SCUBE1: variants seen among roughly 807,000 people sequenced by gnomAD.
The protein encoded by SCUBE1 is signal peptide, CUB domain and EGF like domain containing 1.
In SCUBE1, 59 loss-of-function variants were observed where a neutral mutation model predicts 124.4. The observed-to-expected ratio is 0.47, with a 90% CI of 0.38 to 0.59. The LOEUF is 0.59. SCUBE1 is among the 20% of genes least tolerant of loss of function. The pLI, the probability that SCUBE1 is intolerant of heterozygous loss-of-function variation, is 0.00. For synonymous variants in SCUBE1, 545 were observed against 550.9 expected (o/e 0.99, Z 0.15); for missense variants, 1,150 against 1,371.2 (o/e 0.84, Z 2.55).
intron 16 of SCUBE1, 131 bp downstream of exon 16, chr22:43,213,959 G>A: frequency 1.0e-6 from 1 of 979,890 alleles, no homozygotes; most frequent in South Asian, 1.7e-5. Context: ...GAAACGACAA[G>A]GAACTTTAGA....
chr22:43,260,217 T>C (rs1462708712), intron 5 of SCUBE1, among the ~76,000 whole-genome samples: 2 of 152,194 alleles, frequency 1.3e-5, no homozygotes, highest in Non-Finnish European at 2.9e-5. Context: ...GATGGAGGCC[T>C]GCCTGAGGCA....
At chr22:43,303,063 C>T (rs956026393) in intron 3 of SCUBE1, among the ~76,000 whole-genome samples, 1 of 152,244 alleles carries the variant, frequency 6.6e-6, no homozygotes, top group African/African-American at 2.4e-5. Context: ...TGCCAGACTC[C>T]AGCCAAGTCA....
At chr22:43,288,433 T>G (rs559917149) in intron 4 of SCUBE1, among the ~76,000 whole-genome samples, 1 of 152,106 alleles carries the variant, frequency 6.6e-6, no homozygotes, top group African/African-American at 2.4e-5. Context: ...CCACCCAAAA[T>G]CCAAACTCTT....
intron 5 of SCUBE1, 100 bp downstream of exon 5, chr22:43,262,620 G>C (rs1601838450): frequency 6.9e-7 from 1 of 1,443,346 alleles, no homozygotes; most frequent in East Asian, 2.3e-5. Context: ...TGGGGCTGGG[G>C]ACCCTCCCTG....
At chr22:43,301,925 C>T (rs1199547689) in intron 3 of SCUBE1, among the ~76,000 whole-genome samples, 2 of 152,238 alleles carry the variant, frequency 1.3e-5, no homozygotes, top group Non-Finnish European at 2.9e-5. Context: ...GCATGGCCTT[C>T]GCTGCCGTAT....
intron 2 of SCUBE1, among the ~76,000 whole-genome samples, 154 bp from the exon 3 acceptor site, chr22:43,320,219 A>C (rs1926498060): frequency 6.6e-6 from 1 of 152,148 alleles, no homozygotes; most frequent in South Asian, 2.1e-4. Context: ...AAGTATTATA[A>C]AAATGCTAAT....
chr22:43,343,145 G>A (rs1305517592), intron 1 of SCUBE1, 29 bp downstream of exon 1: 2 of 1,113,012 alleles, frequency 1.8e-6, no homozygotes, highest in Non-Finnish European at 1.1e-6. Context: ...CCCCGCGCCC[G>A]CCGCCCCCCA....
intron 7 of SCUBE1, chr22:43,238,463 C>T (rs1262533098): frequency 9.1e-6 from 5 of 547,942 alleles, no homozygotes; most frequent in African/African-American, 3.8e-5. Flanking sequence ...GGTTCGGAAA[C>T]GCGCTACATT....
chr22:43,295,976 A>G (rs2097570), intron 3 of SCUBE1, among the ~76,000 whole-genome samples: 141,734 of 152,264 alleles, frequency 0.93, 66,099 homozygotes, highest in East Asian at 1. Context: ...GCAAAGGCTC[A>G]TGGAAGGGGC....
chr22:43,247,203 C>G (rs1474619022), intron 6 of SCUBE1, among the ~76,000 whole-genome samples: 1 of 152,210 alleles, frequency 6.6e-6, no homozygotes, highest in Admixed American at 6.5e-5. Context: ...TGGCTGAGCA[C>G]CTGCTACGGG....
rs144652268 is a variant in SCUBE1 at position 43,199,152 on chromosome 22, C to T, written c.*4845G>A. The T allele has an allele frequency of 5.4e-3, 518 of 96,614 alleles. 22 individuals carry two copies. Among genetic ancestry groups the T allele is most frequent in the Admixed American group, 0.051 (486 of 9,514 alleles). The allele number at this position is 96,614 out of a possible 1,614,324, so 6.0% of individuals were successfully genotyped here. ...CACCAACTCCCTGTCTTTCTAGGAG[C>T]CTGGCACACAGGAGGTGCTCAGTAA... On this transcript the variant is annotated 3_prime_UTR_variant, in exon 22 of 22. Coordinates refer to ENST00000360835, the MANE Select transcript of SCUBE1 (RefSeq NM_173050.5).
chr22:43,228,282 C>T (rs1922406438), intron 9 of SCUBE1, among the ~76,000 whole-genome samples: 1 of 152,142 alleles, frequency 6.6e-6, no homozygotes, highest in South Asian at 2.1e-4. Context: ...GGCTCTGACT[C>T]CTAAATACAT....
intron 12 of SCUBE1, 80 bp downstream of exon 12, chr22:43,222,558 C>A: frequency 1.7e-6 from 2 of 1,154,042 alleles, no homozygotes; most frequent in Non-Finnish European, 1.2e-6. Context: ...GGGCGGTGCC[C>A]TTTCCTCCCC....
intron 3 of SCUBE1, among the ~76,000 whole-genome samples, chr22:43,311,911 A>G (rs78990755): frequency 0.013 from 1,907 of 152,262 alleles, 51 homozygotes; most frequent in African/African-American, 0.044. Context: ...TAAGCCTATC[A>G]GACGACACTT....
rs764551813 is a variant in SCUBE1 at position 43,238,925 on chromosome 22, C to T, written c.757G>A (p.Asp253Asn). The stretch of plus-strand genomic sequence containing the variant: ...GTGGCTGTGTCCTTGCATGTCCGGT[C>T]GCAGCCTCCGTTATTGACTGCGCAC... The part of the protein sequence containing the change: ...ETCAVNNGGC[D>N]RTCKDTATGV... Residue 253 changes from aspartate (D) to asparagine (N), a missense_variant, in exon 7 of 22, where the codon GAC (aspartate) becomes AAC (asparagine). By Grantham distance (23) the Asp-to-Asn change is conservative. Transcript: ENST00000360835. The T allele has an allele frequency of 2.0e-5, 33 of 1,612,898 alleles. No individual in the cohort carries two copies. Among genetic ancestry groups the T allele is most frequent in the Middle Eastern group, 1.6e-4 (1 of 6,074 alleles).
At chr22:43,343,053 C>T in intron 1 of SCUBE1, 121 bp downstream of exon 1, 1 of 318,228 alleles carries the variant, frequency 3.1e-6, no homozygotes. Context: ...TGCAAAGAGG[C>T]AGGGGGCGCG....
At chr22:43,308,089 C>T (rs1338606090) in intron 3 of SCUBE1, among the ~76,000 whole-genome samples, 1 of 152,126 alleles carries the variant, frequency 6.6e-6, no homozygotes, top group African/African-American at 2.4e-5. Flanking sequence ...GTCTGCCTCC[C>T]TACACCCCAC....
At chr22:43,331,629 G>C (rs1053939137) in intron 2 of SCUBE1, among the ~76,000 whole-genome samples, 1 of 152,222 alleles carries the variant, frequency 6.6e-6, no homozygotes, top group African/African-American at 2.4e-5. Context: ...ATTAAGATTA[G>C]TAGGACCCAA....
chr22:43,283,771 A>G (rs2146742728), intron 4 of SCUBE1: 1 of 152,360 alleles, frequency 6.6e-6, no homozygotes, highest in African/African-American at 2.4e-5. Context: ...ACCACTCTTC[A>G]CTATTTTTTG....
Sources: allele counts gnomAD v4.1 joint callset (sites outside exome capture counted in the v4.1 genomes callset), GRCh38; gene constraint gnomAD v4.1.1; transcripts MANE v1.5; gene names NCBI Gene and HGNC (gene_info 2026-07-23, HGNC 2026-07-21).